The following PACRG variants were observed in gnomAD, a reference collection of about 807,000 sequenced individuals.
PACRG encodes the protein parkin coregulated gene protein.
Under a neutral mutation model 29.7 loss-of-function variants are expected in PACRG, and 29 were observed. That is an observed-to-expected ratio of 0.98 (90% CI 0.73 to 1.33). The LOEUF is 1.33. PACRG is among the 40% of genes most tolerant of loss of function. PACRG has a pLI of 0.00. For synonymous variants in PACRG, 116 were observed against 118.7 expected (o/e 0.98, Z 0.15); for missense variants, 279 against 316.2 (o/e 0.88, Z 0.89).
chr6:163,285,524 A>G (rs569254421), intron 4 of PACRG, among the ~76,000 whole-genome samples: 8 of 152,164 alleles, frequency 5.3e-5, no homozygotes, highest in Non-Finnish European at 8.8e-5. Context: ...TCCTAGCACA[A>G]TCCTGACATC....
chr6:163,289,456 A>G lies in PACRG; in HGVS notation c.614-25371A>G, dbSNP rs140806182. Among the ~76,000 whole-genome samples, 106 of 152,212 alleles carry G rather than the reference A, an allele frequency of 7.0e-4. 2 individuals are homozygous for G. The East Asian group carries it at 0.016, about 23-fold the overall frequency. ...TTTGTAAATAACTTCATTCTTTTTC[A>G]TTGACCTCCTCAATATTTATTTCTA... On this transcript the variant is annotated intron_variant, in intron 4 of 4. Coordinates refer to ENST00000366888, the MANE Select transcript of PACRG (RefSeq NM_001080379.2).
chr6:163,076,566 A>G (rs1458294559), intron 3 of PACRG, among the ~76,000 whole-genome samples: 3 of 152,196 alleles, frequency 2.0e-5, no homozygotes, highest in Non-Finnish European at 4.4e-5. Flanking sequence ...ATTCTTTGGC[A>G]TGGCTTTCAA....
intron 2 of PACRG, among the ~76,000 whole-genome samples, chr6:162,941,047 C>CGTGT (rs1562757984): frequency 7.5e-5 from 3 of 39,994 alleles, no homozygotes; most frequent in Non-Finnish European, 1.7e-4. Flanking sequence ...TGTGTTTGTG[C>CGTGT]ATGTGTGTGT....
At chr6:162,821,010 A>G (rs1054735969) in intron 2 of PACRG, among the ~76,000 whole-genome samples, 2 of 152,208 alleles carry the variant, frequency 1.3e-5, no homozygotes, top group Admixed American at 6.5e-5. Flanking sequence ...TCTTAATGCC[A>G]TTCTTTTATT....
chr6:162,727,732 C>T (rs1173179729), upstream of PACRG: 2 of 1,519,840 alleles, frequency 1.3e-6, no homozygotes, highest in Non-Finnish European at 1.8e-6. Context: ...GCGCCAGCCG[C>T]GCCTCCCACC....
intron 1 of PACRG, among the ~76,000 whole-genome samples, chr6:162,767,276 G>A (rs1324757318): frequency 6.6e-6 from 1 of 151,804 alleles, no homozygotes; most frequent in African/African-American, 2.4e-5. Flanking sequence ...GTTTTCCACT[G>A]TTATGATAGA....
Position 162,936,022 on chromosome 6 carries a change from G to A in PACRG, c.291+121741G>A, listed in dbSNP as rs188073404. On this transcript the variant is annotated intron_variant, in intron 2 of 4. Transcript: ENST00000366888. ...AATTTACAAAAGAAAGAGGTTTAAT[G>A]GACTTACAGCTCCACATGCCTAGGA... 2.0e-5 allele frequency among the ~76,000 whole-genome samples: 3 copies of A among 152,260 alleles called. No homozygotes were observed. In the East Asian group the frequency reaches 5.8e-4, roughly 29 times the overall value.
intron 4 of PACRG, among the ~76,000 whole-genome samples, chr6:163,285,223 C>T (rs1025934131): frequency 1.3e-5 from 2 of 152,020 alleles, no homozygotes; most frequent in African/African-American, 4.8e-5. Context: ...ATCTCTGCTT[C>T]TGAACAGATC....
chr6:163,000,589 G>A (rs1380315045), intron 2 of PACRG, among the ~76,000 whole-genome samples: 1 of 152,158 alleles, frequency 6.6e-6, no homozygotes, highest in East Asian at 1.9e-4. Flanking sequence ...GTGTGGCCTT[G>A]GGCATGCATC....
At chr6:163,045,808 G>T (rs1411337115) in intron 2 of PACRG, among the ~76,000 whole-genome samples, 1 of 151,374 alleles carries the variant, frequency 6.6e-6, no homozygotes, top group African/African-American at 2.4e-5. Context: ...TAGAGACGGG[G>T]TTTCACCATG....
At chr6:163,006,911 T>C (rs983141101) in intron 2 of PACRG, among the ~76,000 whole-genome samples, 5 of 152,104 alleles carry the variant, frequency 3.3e-5, no homozygotes, top group African/African-American at 1.2e-4. Flanking sequence ...TGCCTTTTGA[T>C]TAATTGCTTC....
intron 2 of PACRG, among the ~76,000 whole-genome samples, chr6:162,835,682 G>A (rs1789162538): frequency 6.6e-6 from 1 of 151,978 alleles, no homozygotes; most frequent in African/African-American, 2.4e-5. Flanking sequence ...TTTTTTTGTT[G>A]TGTGGTGTTA....
At chr6:163,075,913 A>G (rs886214108) in intron 3 of PACRG, among the ~76,000 whole-genome samples, 2 of 152,170 alleles carry the variant, frequency 1.3e-5, no homozygotes, top group African/African-American at 2.4e-5. Context: ...GTTCATTGTC[A>G]TTGCTTAGGG....
intron 4 of PACRG, among the ~76,000 whole-genome samples, chr6:163,255,348 G>A (rs888215825): frequency 2.6e-5 from 4 of 152,186 alleles, no homozygotes; most frequent in Admixed American, 6.5e-5. Context: ...AGGCAGGCAG[G>A]CAGGTGACCT....
chr6:162,787,153 A>G (rs182488254), intron 1 of PACRG, among the ~76,000 whole-genome samples: 1 of 152,140 alleles, frequency 6.6e-6, no homozygotes, highest in Admixed American at 6.5e-5. Flanking sequence ...TCTGTGCTTT[A>G]TTTCTCACCC....
chr6:162,800,883 G>C (rs1443408193), intron 1 of PACRG, among the ~76,000 whole-genome samples: 2 of 152,260 alleles, frequency 1.3e-5, no homozygotes, highest in East Asian at 3.9e-4. Flanking sequence ...AGTTAGAAAG[G>C]TGTAGAAGGA....
chr6:163,227,553 A>G (rs148356676), intron 4 of PACRG, among the ~76,000 whole-genome samples: 6 of 152,342 alleles, frequency 3.9e-5, no homozygotes, highest in Non-Finnish European at 7.4e-5. Context: ...AGCCATTCCC[A>G]TGGGTGTGCC....
At chr6:163,100,447 C>G (rs1020341695) in intron 4 of PACRG, among the ~76,000 whole-genome samples, 2 of 152,138 alleles carry the variant, frequency 1.3e-5, no homozygotes, top group Non-Finnish European at 2.9e-5. Flanking sequence ...TCAGGCTGCT[C>G]GAGAGGGTTC....
At chr6:163,103,070 C>T (rs1410605761) in intron 4 of PACRG, among the ~76,000 whole-genome samples, 1 of 152,094 alleles carries the variant, frequency 6.6e-6, no homozygotes, top group Non-Finnish European at 1.5e-5. Flanking sequence ...CAAATTTAGC[C>T]GCTTAGGACA....
Sources: gnomAD v4.1 joint callset for allele counts (sites outside exome capture counted in the v4.1 genomes callset) on GRCh38, gnomAD v4.1.1 for gene constraint, MANE v1.5 for transcripts, NCBI Gene and HGNC (gene_info 2026-07-23, HGNC 2026-07-21) for gene names.